HSD17B11: variants seen among roughly 807,000 people sequenced by gnomAD.
HSD17B11 encodes estradiol 17-beta-dehydrogenase 11.
A neutral mutation model predicts 27.8 loss-of-function variants in HSD17B11; 22 were observed. The ratio of observed to expected loss-of-function variants is 0.79; its 90% CI spans 0.56 to 1.13. The LOEUF (loss-of-function observed/expected upper bound fraction) is 1.13. Among genes scored for constraint, HSD17B11 ranks in the 50% most tolerant of loss-of-function variants. HSD17B11 has a pLI of 0.00. For synonymous variants in HSD17B11, 117 were observed against 132.8 expected (o/e 0.88, Z 0.82); for missense variants, 314 against 351.1 (o/e 0.89, Z 0.84).
At chr4:87,378,916 ATAAATATATATAAATATATATATAT>A (rs1720034255) in intron 2 of HSD17B11, among the ~76,000 whole-genome samples, 1 of 13,880 alleles carries the variant, frequency 7.2e-5, no homozygotes, top group Non-Finnish European at 1.1e-4. Flanking sequence ...ATATATATAT[ATAAATATATATAAATATATATATAT>A]ATATATTTAT....
rs191296688 is a variant in HSD17B11 at position 87,367,917 on chromosome 4, T to G, written c.557+4792A>C. Among the ~76,000 whole-genome samples, 421 of 152,376 alleles carry G rather than the reference T, an allele frequency of 2.8e-3. 1 individual carries two copies. The highest frequency in any genetic ancestry group is 9.6e-3 in the African/African-American group (399 of 41,590). Reference sequence around the variant, plus strand: ...CTTTACTTACTTTGCTTTACTCTTATGGAATATATTGCTGTTATACCCTTT... The same window carrying G: ...CTTTACTTACTTTGCTTTACTCTTAGGGAATATATTGCTGTTATACCCTTT... On this transcript the variant is annotated intron_variant, in intron 4 of 6. Coordinates refer to ENST00000358290, the MANE Select transcript of HSD17B11 (RefSeq NM_016245.5).
At chr4:87,390,080 T>C (rs1720419380) in intron 1 of HSD17B11, among the ~76,000 whole-genome samples, 2 of 152,020 alleles carry the variant, frequency 1.3e-5, no homozygotes, top group Non-Finnish European at 2.9e-5. Flanking sequence ...CACCTCAGCC[T>C]CCCGGAAAAG....
intron 3 of HSD17B11, 82 bp downstream of exon 3, chr4:87,374,617 A>T (rs1735782442): frequency 1.5e-6 from 2 of 1,345,112 alleles, no homozygotes; most frequent in Non-Finnish European, 2.1e-6. Context: ...TTGATTTAAT[A>T]CTTCCTTATG....
intron 5 of HSD17B11, among the ~76,000 whole-genome samples, chr4:87,355,499 T>A (rs1735366528): frequency 6.6e-6 from 1 of 151,674 alleles, no homozygotes; most frequent in African/African-American, 2.4e-5. Flanking sequence ...AAAATAGGCT[T>A]AAAAGCAAAC....
At chr4:87,356,497 C>G (rs1395448835) in intron 5 of HSD17B11, among the ~76,000 whole-genome samples, 2 of 152,088 alleles carry the variant, frequency 1.3e-5, no homozygotes, top group Admixed American at 6.5e-5. Flanking sequence ...TTCCAGGACC[C>G]CATGTGTAAC....
At chr4:87,389,513 C>T (rs765829923) in intron 1 of HSD17B11, among the ~76,000 whole-genome samples, 5 of 152,166 alleles carry the variant, frequency 3.3e-5, no homozygotes, top group Non-Finnish European at 5.9e-5. Context: ...TGTGAGCCAC[C>T]GCATCCAGCC....
At chr4:87,369,744 T>G (rs1735675409) in intron 4 of HSD17B11, among the ~76,000 whole-genome samples, 1 of 152,202 alleles carries the variant, frequency 6.6e-6, no homozygotes, top group Non-Finnish European at 1.5e-5. Context: ...CCCCAGATTT[T>G]TCTTTTAAAT....
rs28654511 is a variant in HSD17B11, at chr4:87,391,141, A to T, written c.-71T>A. 0.5 allele frequency: 573,971 copies of T among 1,138,394 alleles called. 147,347 individuals carry two copies. The highest frequency in any genetic ancestry group is 0.54 in the Non-Finnish European group (429,309 of 798,244). 70.5% of individuals were successfully genotyped at this position (1,138,394 alleles called of 1,614,324 possible). On this transcript the variant is annotated 5_prime_UTR_variant, in exon 1 of 7. Transcript: ENST00000358290. ...CCACTCTAAACTGCTTTTAGAGGGT[A>T]GCTCGATCTAACACCAGAAAGAGTA...
intron 5 of HSD17B11, among the ~76,000 whole-genome samples, chr4:87,346,371 G>A (rs926725608): frequency 1.3e-5 from 2 of 152,176 alleles, no homozygotes; most frequent in East Asian, 3.9e-4. Flanking sequence ...AGGATGGGCC[G>A]GGTGCGGTGG....
intron 4 of HSD17B11, among the ~76,000 whole-genome samples, chr4:87,365,726 A>C (rs895120799): frequency 7.3e-6 from 1 of 137,230 alleles, no homozygotes; most frequent in Non-Finnish European, 1.6e-5. Flanking sequence ...AAGGTGTATA[A>C]AAAAGGTGAA....
At chr4:87,338,869 C>T (rs1222611246) in intron 6 of HSD17B11, among the ~76,000 whole-genome samples, 9 of 152,074 alleles carry the variant, frequency 5.9e-5, no homozygotes, top group Non-Finnish European at 5.9e-5. Flanking sequence ...TTTCTTTATT[C>T]GTCTCAGCCC....
chr4:87,386,893 G>A (rs1720333603), intron 1 of HSD17B11: 1 of 152,114 alleles, frequency 6.6e-6, no homozygotes, highest in South Asian at 2.1e-4. Flanking sequence ...AGGAAAAAGG[G>A]TCTCCCTGTT....
At chr4:87,357,534 C>G (rs1165469406) in intron 4 of HSD17B11, 118 bp from the exon 5 acceptor site, 2 of 854,178 alleles carry the variant, frequency 2.3e-6, no homozygotes, top group Non-Finnish European at 3.4e-6. Context: ...CAGGCCCCAG[C>G]CCAGAGCTAC....
intron 5 of HSD17B11, among the ~76,000 whole-genome samples, chr4:87,355,677 G>A (rs1352048773): frequency 6.6e-6 from 1 of 152,168 alleles, no homozygotes; most frequent in Admixed American, 6.5e-5. Flanking sequence ...GCCAAGGTGG[G>A]CGGATCACTT....
rs1478493434 is a variant in HSD17B11, at chr4:87,336,960, C to T, written c.*316G>A. The T allele has an allele frequency of 4.0e-5, 9 of 226,752 alleles. No homozygotes were observed. The highest frequency in any genetic ancestry group is 1.0e-4 in the South Asian group (1 of 9,924). 14.0% of individuals were successfully genotyped at this position (226,752 alleles called of 1,614,324 possible). A position where few individuals can be genotyped will look rare whatever the true frequency, so the allele number is the denominator to read the frequency against. On this transcript the variant is annotated 3_prime_UTR_variant, in exon 7 of 7. Coordinates refer to ENST00000358290, the MANE Select transcript of HSD17B11 (RefSeq NM_016245.5). ...AAAATAAAAATATATGTTAAATAAA[C>T]GGTTATGGTACAAATTTTGCAAAGC... is the stretch of plus-strand genomic sequence containing the variant.
intron 2 of HSD17B11, among the ~76,000 whole-genome samples, chr4:87,378,847 T>A (rs1353058569): frequency 6.7e-5 from 2 of 30,008 alleles, no homozygotes; most frequent in East Asian, 3.7e-4. Flanking sequence ...TATATATAAA[T>A]ATATATATAA....
At chr4:87,356,810 C>A (rs1335488200) in intron 5 of HSD17B11, among the ~76,000 whole-genome samples, 2 of 152,148 alleles carry the variant, frequency 1.3e-5, no homozygotes, top group Non-Finnish European at 2.9e-5. Flanking sequence ...TAGATTACCT[C>A]CAAGGGAAGT....
intron 1 of HSD17B11, among the ~76,000 whole-genome samples, chr4:87,384,151 C>T (rs1485109546): frequency 3.9e-5 from 6 of 152,088 alleles, no homozygotes; most frequent in South Asian, 4.1e-4. Flanking sequence ...CGGCTGGAGC[C>T]GCGGCAAAGA....
chr4:87,364,528 A>G (rs915581276), intron 4 of HSD17B11, among the ~76,000 whole-genome samples: 9 of 152,160 alleles, frequency 5.9e-5, no homozygotes, highest in Non-Finnish European at 7.3e-5. Context: ...GACTCTGCAC[A>G]CTTGGATCAG....
Sources: allele counts gnomAD v4.1 joint callset (sites outside exome capture counted in the v4.1 genomes callset), GRCh38; gene constraint gnomAD v4.1.1; transcripts MANE v1.5; gene names NCBI Gene and HGNC (gene_info 2026-07-23, HGNC 2026-07-21).